The following SENP5 variants were observed in gnomAD, a reference collection of about 807,000 sequenced individuals.
SENP5 encodes sentrin-specific protease 5.
Under a neutral mutation model 74.2 loss-of-function variants are expected in SENP5, and 21 were observed. The ratio of observed to expected loss-of-function variants is 0.28; its 90% CI spans 0.20 to 0.41. The LOEUF (loss-of-function observed/expected upper bound fraction) is 0.41, where lower values mean the gene tolerates loss of function less well. SENP5 is among the 10% of genes least tolerant of loss of function. The pLI is 1.00. For missense variants in SENP5, 717 were observed against 889.1 expected (o/e 0.81, Z 2.46); for synonymous variants, 311 against 312.7 (o/e 0.99, Z 0.06).
chr3:196,872,690 T>G (rs796265377), intron 1 of SENP5, among the ~76,000 whole-genome samples: 56 of 152,296 alleles, frequency 3.7e-4, no homozygotes, highest in African/African-American at 1.2e-3. Flanking sequence ...ACTAGCCACA[T>G]GTAGCAGCCT....
intron 1 of SENP5, among the ~76,000 whole-genome samples, chr3:196,869,592 C>G (rs567437665): frequency 2.0e-5 from 3 of 151,540 alleles, no homozygotes; most frequent in East Asian, 2.0e-4. Flanking sequence ...GAAACCCCAT[C>G]TCTACTAAAA....
At position 196,931,945 on chromosome 3, in the gene SENP5, A is replaced by T; in HGVS notation, c.*1022A>T. 2.2e-6 allele frequency: 1 copy of T among 454,150 alleles called. No homozygotes were observed. Among genetic ancestry groups the T allele is most frequent in the South Asian group, 1.6e-5 (1 of 64,140 alleles). 28.1% of individuals were successfully genotyped at this position (454,150 alleles called of 1,614,324 possible). On this transcript the variant is annotated 3_prime_UTR_variant, in exon 10 of 10. Transcript: ENST00000323460. ...GGAGAGAAGAGGGAAGGTAATAGAG[A>T]CAACTTAGTCCCATGGGAGCGCAGC...
chr3:196,885,050 T>A (rs994024851), intron 1 of SENP5, 101 bp from the exon 2 acceptor site: 1 of 667,708 alleles, frequency 1.5e-6, no homozygotes, highest in Admixed American at 3.0e-5. Context: ...TTGAAGTATA[T>A]GTACTCTTTT....
chr3:196,906,619 G>A (rs1382788284), intron 6 of SENP5, among the ~76,000 whole-genome samples: 1 of 152,202 alleles, frequency 6.6e-6, no homozygotes, highest in Non-Finnish European at 1.5e-5. Context: ...TGGAGAATAG[G>A]GGTATGTGAA....
In SENP5 at chr3:196,887,278, C is replaced by A. The variant is rs138750004; in HGVS notation, c.1513+584C>A. Among the ~76,000 whole-genome samples the A allele has an allele frequency of 2.4e-4, 37 of 152,114 alleles. No homozygotes were observed. In the East Asian group the frequency reaches 7.2e-3, roughly 30 times the overall value. ...CACCACAACCTCCACCTCCTGGGTT[C>A]AAGTGATTCTCCTGTCTCAACCCCC... is the stretch of plus-strand genomic sequence containing the variant. On this transcript the variant is annotated intron_variant, in intron 2 of 9. Transcript: ENST00000323460.
At chr3:196,900,522 A>G in intron 5 of SENP5, 110 bp downstream of exon 5, 2 of 854,740 alleles carry the variant, frequency 2.3e-6, no homozygotes, top group Non-Finnish European at 1.8e-6. Flanking sequence ...TAAATTTTTT[A>G]AAAGAAGAGT....
intron 1 of SENP5, among the ~76,000 whole-genome samples, chr3:196,879,237 T>C (rs1577795109): frequency 6.6e-6 from 1 of 152,244 alleles, no homozygotes; most frequent in South Asian, 2.1e-4. Flanking sequence ...GAGTATCTGG[T>C]TGAGAAGCAC....
chr3:196,922,127 A>T (rs1204760527), intron 6 of SENP5, among the ~76,000 whole-genome samples: 2 of 152,256 alleles, frequency 1.3e-5, no homozygotes, highest in South Asian at 4.1e-4. Context: ...CAAGCAAGTA[A>T]TCATAATAAT....
At chr3:196,927,690 T>G in intron 7 of SENP5, 106 bp from the exon 8 acceptor site, 1 of 641,624 alleles carries the variant, frequency 1.6e-6, no homozygotes, top group Non-Finnish European at 2.8e-6. Context: ...TTCTGCCCAG[T>G]TATGGGGCCA....
At chr3:196,900,435 G>A (rs775194534) in intron 5 of SENP5, 23 bp downstream of exon 5, 1 of 1,588,058 alleles carries the variant, frequency 6.3e-7, no homozygotes, top group Non-Finnish European at 8.6e-7. Context: ...TTCCTCTTCT[G>A]CAGGAGAGAG....
chr3:196,917,617 A>C, intron 6 of SENP5, among the ~76,000 whole-genome samples: 1 of 152,248 alleles, frequency 6.6e-6, no homozygotes. Context: ...ATCTGGCAGC[A>C]GACATCTCAG....
rs1476074969 is a variant in SENP5, at chr3:196,894,145, C to CA, written c.1514-5520dup. 3.0e-5 allele frequency among the ~76,000 whole-genome samples: 3 copies of CA among 98,626 alleles called. No individual in the cohort carries two copies. The South Asian group carries it at 1.1e-3, about 37-fold the overall frequency. 64.7% of individuals were successfully genotyped at this position (98,626 alleles called of 152,430 possible). On this transcript the variant is annotated intron_variant, in intron 2 of 9. Transcript: ENST00000323460. ...TTTTTTTTTTTTTTTTTTCTGGAGA[C>CA]AGAGTTTTGATCTTGTTGCCCAGGC...
intron 1 of SENP5, among the ~76,000 whole-genome samples, chr3:196,869,445 C>A (rs906544540): frequency 6.6e-6 from 1 of 150,912 alleles, no homozygotes; most frequent in Non-Finnish European, 1.5e-5. Flanking sequence ...CTCAAGTGAT[C>A]TACCTGCTTC....
intron 2 of SENP5, among the ~76,000 whole-genome samples, chr3:196,899,451 A>G (rs1006053140): frequency 6.6e-6 from 1 of 152,172 alleles, no homozygotes; most frequent in African/African-American, 2.4e-5. Context: ...ATGATTCCTC[A>G]CAGTATGTCT....
chr3:196,916,815 G>A lies in SENP5; in HGVS notation c.1885-6599G>A, dbSNP rs375998577. Among the ~76,000 whole-genome samples the A allele has an allele frequency of 2.0e-3, 308 of 151,676 alleles. 2 individuals carry two copies. Among genetic ancestry groups the A allele is most frequent in the African/African-American group, 7.3e-3 (300 of 41,326 alleles). On this transcript the variant is annotated intron_variant, in intron 6 of 9. Coordinates refer to ENST00000323460, the MANE Select transcript of SENP5 (RefSeq NM_152699.5). ...GCTGGGATTTGAGTGACCACACCCA[G>A]CTGAGATTGACATATTTTTTTAAAA...
chr3:196,886,986 G>A (rs1714003890), intron 2 of SENP5, among the ~76,000 whole-genome samples: 1 of 152,132 alleles, frequency 6.6e-6, no homozygotes, highest in Admixed American at 6.5e-5. Flanking sequence ...AATTGATGGT[G>A]AAGGAATATT....
chr3:196,919,819 AT>A (rs1436136372), intron 6 of SENP5, among the ~76,000 whole-genome samples: 4 of 149,474 alleles, frequency 2.7e-5, no homozygotes, highest in East Asian at 3.9e-4. Flanking sequence ...AGGGATCAAG[AT>A]TTTTTTTTTC....
intron 1 of SENP5, among the ~76,000 whole-genome samples, chr3:196,868,441 C>G (rs1352256444): frequency 1.3e-5 from 2 of 152,238 alleles, no homozygotes; most frequent in African/African-American, 4.8e-5. Flanking sequence ...TTTGCTTAGA[C>G]CGCTCTGCCT....
At chr3:196,893,741 C>T (rs1446842002) in intron 2 of SENP5, among the ~76,000 whole-genome samples, 5 of 151,944 alleles carry the variant, frequency 3.3e-5, no homozygotes, top group African/African-American at 1.2e-4. Flanking sequence ...GAAACTCCGT[C>T]TCTACTAAAA....
Sources: gnomAD v4.1 joint callset for allele counts (sites outside exome capture counted in the v4.1 genomes callset) on GRCh38, gnomAD v4.1.1 for gene constraint, MANE v1.5 for transcripts, NCBI Gene and HGNC (gene_info 2026-07-23, HGNC 2026-07-21) for gene names.